Variants in CDK13 observed in about 807,000 individuals in gnomAD.
CDK13 encodes cyclin dependent kinase 13, also known as cyclin-dependent kinase 13.
A neutral mutation model predicts 137.6 loss-of-function variants in CDK13; 40 were observed. That is an observed-to-expected ratio of 0.29 (90% confidence interval 0.23 to 0.38). The LOEUF (loss-of-function observed/expected upper bound fraction) is 0.38, where lower values mean the gene tolerates loss of function less well. Ranked by LOEUF, CDK13 falls within the 10% of genes least tolerant of loss-of-function variation. CDK13 has a pLI of 1.00. For missense variants in CDK13, 1,704 were observed against 1,951.8 expected (o/e 0.87, Z 2.39); for synonymous variants, 869 against 760.1 (o/e 1.14, Z -2.36).
chr7:40,087,496 T>C (rs1786814440), intron 11 of CDK13, among the ~76,000 whole-genome samples: 1 of 151,868 alleles, frequency 6.6e-6, no homozygotes, highest in Non-Finnish European at 1.5e-5. Context: ...GTGTATGATG[T>C]ACTATCATAA....
chr7:39,985,793 A>C (rs1045200775), intron 1 of CDK13: 1 of 152,280 alleles, frequency 6.6e-6, no homozygotes. Flanking sequence ...AAGGGAACCC[A>C]TAAGGCATGT....
At position 40,047,945 on chromosome 7, in the gene CDK13, C is replaced by G. The variant is rs577417489; in HGVS notation, c.2600+68C>G. Reference sequence around the variant, plus strand: ...GTATTAGAAGCTATACTAAGAATACCTTATTGATAGTTTTATTTTTTAAAA... The same window carrying G: ...GTATTAGAAGCTATACTAAGAATACGTTATTGATAGTTTTATTTTTTAAAA... On this transcript the variant is annotated intron_variant, in intron 7 of 13. Coordinates refer to ENST00000181839, the MANE Select transcript of CDK13 (RefSeq NM_003718.5). 728 of 941,498 alleles carry G rather than the reference C, an allele frequency of 7.7e-4. 1 individual carries two copies. The highest frequency in any genetic ancestry group is 1.1e-3 in the Non-Finnish European group (672 of 596,714). The allele number at this position is 941,498 out of a possible 1,614,324, so 58.3% of individuals were successfully genotyped here.
chr7:40,016,238 T>TG (rs920200163), intron 5 of CDK13, among the ~76,000 whole-genome samples: 1 of 152,196 alleles, frequency 6.6e-6, no homozygotes, highest in Admixed American at 6.5e-5. Flanking sequence ...ACAATGAGGC[T>TG]GGGGGATTGT....
intron 12 of CDK13, among the ~76,000 whole-genome samples, chr7:40,091,252 G>T (rs1368419568): frequency 6.6e-6 from 1 of 152,194 alleles, no homozygotes; most frequent in Non-Finnish European, 1.5e-5. Context: ...GGAGGCTGAG[G>T]CAGGAGAATG....
chr7:40,086,521 C>T (rs1331608550), intron 11 of CDK13, among the ~76,000 whole-genome samples: 3 of 152,096 alleles, frequency 2.0e-5, no homozygotes, highest in Non-Finnish European at 2.9e-5. Context: ...AAGAAGAAAG[C>T]ATTTATAAAC....
chr7:40,078,162 T>C, intron 10 of CDK13, 41 bp downstream of exon 10: 2 of 935,100 alleles, frequency 2.1e-6, no homozygotes, highest in Non-Finnish European at 3.3e-6. Flanking sequence ...GCATGAATGT[T>C]TTACTTTAAT....
intron 10 of CDK13, chr7:40,078,336 G>T: frequency 2.6e-6 from 1 of 386,996 alleles, no homozygotes; most frequent in Non-Finnish European, 4.6e-6. Context: ...TGGTGCTTAC[G>T]TGAAAGAACT....
chr7:40,029,258 C>G (rs1465459375), intron 5 of CDK13, among the ~76,000 whole-genome samples: 1 of 151,878 alleles, frequency 6.6e-6, no homozygotes, highest in South Asian at 2.1e-4. Flanking sequence ...GAAACCCCAT[C>G]TCTACCAAAA....
At chr7:40,028,641 C>T (rs1270434007) in intron 5 of CDK13, among the ~76,000 whole-genome samples, 13 of 152,108 alleles carry the variant, frequency 8.5e-5, no homozygotes, top group Non-Finnish European at 1.6e-4. Flanking sequence ...GGTGGTCTCA[C>T]TGAGTCTTAT....
Position 39,987,627 on chromosome 7 carries a change from C to T in CDK13, c.1240C>T (p.Pro414Ser), listed in dbSNP as rs776200669. 1 of 1,603,450 alleles carries T rather than the reference C, an allele frequency of 6.2e-7. No homozygotes were observed. The highest frequency in any genetic ancestry group is 8.5e-7 in the Non-Finnish European group (1 of 1,177,244). ...GTCTGGAAAATCCCGAAGCAGAAGC[C>T]CGTATTCATCTAGGCATTCAAGATC... ...RRSGKSRSRS[P>S]YSSRHSRSRS... The change falls in exon 2 of 14, where the codon CCG becomes TCG. Residue 414 changes from proline to serine, a missense_variant. Physicochemically the swap from Pro to Ser is moderately conservative, Grantham distance 74. Transcript: ENST00000181839.
At chr7:39,984,116 A>G (rs1174798732) in intron 1 of CDK13, 1 of 152,224 alleles carries the variant, frequency 6.6e-6, no homozygotes, top group Non-Finnish European at 1.5e-5. Flanking sequence ...TATTAATGTC[A>G]ACTAAGAACG....
intron 7 of CDK13, among the ~76,000 whole-genome samples, chr7:40,052,468 T>A (rs1208826801): frequency 6.6e-6 from 1 of 152,184 alleles, no homozygotes; most frequent in African/African-American, 2.4e-5. Context: ...TGAGCCACTG[T>A]GCCCAGCCCT....
At chr7:40,042,477 C>CTTTTTTTT (rs5883713) in intron 5 of CDK13, among the ~76,000 whole-genome samples, 60 of 76,042 alleles carry the variant, frequency 7.9e-4, no homozygotes, top group Non-Finnish European at 9.7e-4. Context: ...TCTTTTCTTT[C>CTTTTTTTT]TTTTTTTTTT....
intron 7 of CDK13, among the ~76,000 whole-genome samples, chr7:40,052,258 C>A (rs898025122): frequency 6.6e-6 from 1 of 151,476 alleles, no homozygotes; most frequent in Non-Finnish European, 1.5e-5. Context: ...CTCACTGCAA[C>A]CTCCGCCTCC....
chr7:39,990,377 A>G (rs964757322), intron 2 of CDK13, among the ~76,000 whole-genome samples: 2 of 152,294 alleles, frequency 1.3e-5, no homozygotes, highest in Middle Eastern at 3.4e-3. Flanking sequence ...TGTGTGGCCA[A>G]AGATTAACTC....
intron 5 of CDK13, among the ~76,000 whole-genome samples, chr7:40,004,065 G>A (rs766724802): frequency 3.3e-5 from 5 of 152,104 alleles, no homozygotes; most frequent in Non-Finnish European, 7.4e-5. Flanking sequence ...CTAGCTCAGT[G>A]GCTGGACCAT....
At chr7:40,049,128 G>C (rs1268966795) in intron 7 of CDK13, 1 of 145,390 alleles carries the variant, frequency 6.9e-6, no homozygotes, top group Non-Finnish European at 1.5e-5. Context: ...CTGGGAGGCG[G>C]AGGTTGCAGT....
chr7:39,989,112 G>GAAAAAAAAAAA (rs1562714957), intron 2 of CDK13, among the ~76,000 whole-genome samples: 2 of 37,344 alleles, frequency 5.4e-5, no homozygotes, highest in Non-Finnish European at 4.7e-5. Flanking sequence ...AAAAAAAAAA[G>GAAAAAAAAAAA]AGAAAATTCA....
At chr7:40,094,049 A>G in intron 13 of CDK13, 81 bp from the exon 14 acceptor site, 1 of 1,478,538 alleles carries the variant, frequency 6.8e-7, no homozygotes, top group Non-Finnish European at 9.2e-7. Flanking sequence ...CTTTAGAACT[A>G]CCTACAGGAA....
Sources: gnomAD v4.1 joint callset for allele counts (sites outside exome capture counted in the v4.1 genomes callset) on GRCh38, gnomAD v4.1.1 for gene constraint, MANE v1.5 for transcripts, NCBI Gene and HGNC (gene_info 2026-07-23, HGNC 2026-07-21) for gene names.